GMDS: variants seen among roughly 807,000 people sequenced by gnomAD.
GMDS encodes GDP-mannose 4,6-dehydratase.
Under a neutral mutation model 49.9 loss-of-function variants are expected in GMDS, and 20 were observed. The observed-to-expected ratio is 0.40, with a 90% CI of 0.28 to 0.58. The LOEUF (loss-of-function observed/expected upper bound fraction) is 0.58, where lower values mean the gene tolerates loss of function less well. GMDS is among the 20% of genes least tolerant of loss of function. GMDS has a pLI of 0.42. For synonymous variants in GMDS, 177 were observed against 178.6 expected (o/e 0.99, Z 0.07); for missense variants, 362 against 481.4 (o/e 0.75, Z 2.32).
chr6:2,032,325 T>C lies in GMDS; in HGVS notation c.346-71359A>G, dbSNP rs1769016223. On this transcript the variant is annotated intron_variant, in intron 4 of 10. Transcript: ENST00000380815. Reference sequence around the variant, plus strand: ...TAAGAGACAATAAATCAAATTTGTCTTTTATCTTCTTCTTATGGAATCCTA... The same window carrying C: ...TAAGAGACAATAAATCAAATTTGTCCTTTATCTTCTTCTTATGGAATCCTA... 4.6e-5 allele frequency among the ~76,000 whole-genome samples: 7 copies of C among 152,312 alleles called. No homozygotes were observed. The South Asian group carries it at 1.4e-3, about 32-fold the overall frequency.
intron 4 of GMDS, among the ~76,000 whole-genome samples, chr6:2,019,827 CA>C (rs1045335904): frequency 1.3e-5 from 2 of 152,128 alleles, no homozygotes; most frequent in African/African-American, 4.8e-5. Flanking sequence ...AATTTTTCAG[CA>C]TCTACTAAGA....
intron 1 of GMDS, among the ~76,000 whole-genome samples, chr6:2,159,479 AC>A (rs1232315278): frequency 2.7e-5 from 4 of 146,914 alleles, no homozygotes; most frequent in Non-Finnish European, 4.5e-5. Flanking sequence ...TTCATGGCAT[AC>A]CTTTTTCTTA....
At chr6:1,682,059 G>A (rs1480319170) in intron 9 of GMDS, among the ~76,000 whole-genome samples, 2 of 151,904 alleles carry the variant, frequency 1.3e-5, no homozygotes, top group Non-Finnish European at 2.9e-5. Context: ...CCACGGTATG[G>A]CCCCTTCACT....
At chr6:2,181,545 A>T (rs1778531453) in intron 1 of GMDS, among the ~76,000 whole-genome samples, 1 of 152,150 alleles carries the variant, frequency 6.6e-6, no homozygotes, top group African/African-American at 2.4e-5. Context: ...ACATTTTTCC[A>T]ATAGCATGTG....
intron 1 of GMDS, among the ~76,000 whole-genome samples, chr6:2,132,976 A>C (rs552423755): frequency 6.6e-6 from 1 of 152,352 alleles, no homozygotes; most frequent in Non-Finnish European, 1.5e-5. Context: ...CATATTAAAA[A>C]ATTAAAACTG....
chr6:2,079,112 C>G (rs1472198600), intron 4 of GMDS, among the ~76,000 whole-genome samples: 1 of 117,224 alleles, frequency 8.5e-6, no homozygotes, highest in African/African-American at 3.2e-5. Flanking sequence ...CTTTTGGTTT[C>G]TGTTCGTGTG....
intron 7 of GMDS, among the ~76,000 whole-genome samples, chr6:1,763,958 T>C (rs921777416): frequency 7.2e-5 from 11 of 152,096 alleles, no homozygotes; most frequent in African/African-American, 2.7e-4. Flanking sequence ...AGGCACCCCC[T>C]CTTGGCAGGC....
At chr6:1,865,887 G>A (rs1261658905) in intron 7 of GMDS, among the ~76,000 whole-genome samples, 1 of 151,336 alleles carries the variant, frequency 6.6e-6, no homozygotes, top group Non-Finnish European at 1.5e-5. Flanking sequence ...CAATCCACAG[G>A]AAGAAAAAAA....
At chr6:2,180,139 A>G (rs1370054691) in intron 1 of GMDS, among the ~76,000 whole-genome samples, 5 of 152,228 alleles carry the variant, frequency 3.3e-5, no homozygotes, top group African/African-American at 1.2e-4. Flanking sequence ...CCAGAGGACT[A>G]GCAACTGGCT....
chr6:1,964,289 T>A (rs751625381), intron 4 of GMDS, among the ~76,000 whole-genome samples: 5 of 152,354 alleles, frequency 3.3e-5, no homozygotes, highest in Middle Eastern at 3.4e-3. Context: ...GAGAATGTTG[T>A]GAGTTTTTTC....
chr6:1,821,214 C>G (rs1770872985), intron 7 of GMDS, among the ~76,000 whole-genome samples: 1 of 152,128 alleles, frequency 6.6e-6, no homozygotes, highest in Non-Finnish European at 1.5e-5. Context: ...TGTCTCTCGG[C>G]AAAAATGGAA....
At position 2,228,650 on chromosome 6, in the gene GMDS, C is replaced by T. The variant is rs1475779569; in HGVS notation, c.102+16671G>A. ...CTATTTAAACTTGGAGTCCACTTCT[C>T]TGTAGGAAGGGCATTCATTTGAACA... is the stretch of plus-strand genomic sequence containing the variant. On this transcript the variant is annotated intron_variant, in intron 1 of 10. Transcript: ENST00000380815. Among the ~76,000 whole-genome samples, 3 of 152,212 alleles carry T rather than the reference C, an allele frequency of 2.0e-5. No individual in the cohort carries two copies. The South Asian group carries it at 6.2e-4, about 32-fold the overall frequency.
chr6:2,178,588 G>T (rs768510772), intron 1 of GMDS, among the ~76,000 whole-genome samples: 1 of 152,100 alleles, frequency 6.6e-6, no homozygotes, highest in Non-Finnish European at 1.5e-5. Context: ...ATAAGATTTA[G>T]GCAGGGACAC....
intron 7 of GMDS, among the ~76,000 whole-genome samples, chr6:1,890,873 C>G (rs1177512134): frequency 1.3e-5 from 2 of 152,154 alleles, no homozygotes; most frequent in Non-Finnish European, 2.9e-5. Flanking sequence ...ATTTTTTACC[C>G]CAGCCGTGTC....
chr6:2,011,447 T>C (rs1767552822), intron 4 of GMDS, among the ~76,000 whole-genome samples: 1 of 152,220 alleles, frequency 6.6e-6, no homozygotes, highest in Non-Finnish European at 1.5e-5. Context: ...CACTACTTGG[T>C]ATCTATCCAG....
intron 1 of GMDS, among the ~76,000 whole-genome samples, chr6:2,145,844 A>G (rs558601631): frequency 6.6e-6 from 1 of 152,330 alleles, no homozygotes; most frequent in African/African-American, 2.4e-5. Flanking sequence ...CTGGCTACAT[A>G]GCGACATCTA....
chr6:2,090,654 G>A (rs1773265612), intron 4 of GMDS, among the ~76,000 whole-genome samples: 1 of 152,094 alleles, frequency 6.6e-6, no homozygotes, highest in African/African-American at 2.4e-5. Context: ...CTTAATTACA[G>A]TGGAATAAAA....
At chr6:1,687,044 T>C (rs1764999741) in intron 9 of GMDS, among the ~76,000 whole-genome samples, 1 of 152,206 alleles carries the variant, frequency 6.6e-6, no homozygotes, top group Non-Finnish European at 1.5e-5. Flanking sequence ...AAATCACAAG[T>C]AGGACTGGAA....
chr6:1,691,982 C>G (rs932856043), intron 9 of GMDS, among the ~76,000 whole-genome samples: 6 of 151,974 alleles, frequency 3.9e-5, no homozygotes, highest in Non-Finnish European at 8.8e-5. Context: ...ACATTTGAGT[C>G]CGTGGACTGG....
Sources: allele counts gnomAD v4.1 joint callset (sites outside exome capture counted in the v4.1 genomes callset), GRCh38; gene constraint gnomAD v4.1.1; transcripts MANE v1.5; gene names NCBI Gene and HGNC (gene_info 2026-07-23, HGNC 2026-07-21).